Variants in CDH12 observed in about 807,000 individuals in gnomAD.
CDH12 encodes cadherin-12.
CDH12 carries 41 observed loss-of-function variants against 74.1 expected under a neutral mutation model. The observed-to-expected ratio is 0.55, with a 90% CI of 0.43 to 0.72. CDH12 has a LOEUF of 0.72. Among genes scored for constraint, CDH12 ranks in the 30% least tolerant of loss-of-function variants. The pLI, the probability that CDH12 is intolerant of heterozygous loss-of-function variation, is 0.00. For synonymous variants in CDH12, 399 were observed against 355.0 expected, an observed-to-expected ratio of 1.12 and a Z score of -1.39; for missense variants, 945 against 977.2, an observed-to-expected ratio of 0.97 and a Z score of 0.44.
intron 1 of CDH12, among the ~76,000 whole-genome samples, chr5:22,748,489 A>C (rs1171489235): frequency 6.6e-6 from 1 of 152,184 alleles, no homozygotes; most frequent in Non-Finnish European, 1.5e-5. Context: ...TGACCTGCTC[A>C]GTATAGAATA....
chr5:22,349,362 T>C (rs1459712590), intron 3 of CDH12, among the ~76,000 whole-genome samples: 2 of 152,182 alleles, frequency 1.3e-5, no homozygotes, highest in African/African-American at 4.8e-5. Context: ...CAAAGCAGAT[T>C]ATACCTAAAT....
intron 4 of CDH12, among the ~76,000 whole-genome samples, chr5:22,119,716 T>C (rs1379737873): frequency 6.6e-6 from 1 of 152,188 alleles, no homozygotes; most frequent in African/African-American, 2.4e-5. Context: ...AAGGTATCCA[T>C]GCCTCGATTA....
At chr5:22,319,529 A>G (rs1441728887) in intron 3 of CDH12, among the ~76,000 whole-genome samples, 1 of 152,174 alleles carries the variant, frequency 6.6e-6, no homozygotes, top group Non-Finnish European at 1.5e-5. Context: ...GGGCCCCATT[A>G]CTCAGCAGCA....
At chr5:22,716,909 AG>A (rs538335871) in intron 1 of CDH12, among the ~76,000 whole-genome samples, 71 of 152,298 alleles carry the variant, frequency 4.7e-4, no homozygotes, top group African/African-American at 1.5e-3. Context: ...AATATAGAAA[AG>A]AATGTATAAT....
chr5:22,023,750 C>T (rs1738158476), intron 5 of CDH12, among the ~76,000 whole-genome samples: 1 of 152,076 alleles, frequency 6.6e-6, no homozygotes, highest in African/African-American at 2.4e-5. Context: ...TTAATAAATT[C>T]ATTCATAAAT....
intron 8 of CDH12, among the ~76,000 whole-genome samples, chr5:21,832,788 CATATA>C (rs1338782071): frequency 9.6e-6 from 1 of 103,878 alleles, no homozygotes; most frequent in African/African-American, 4.8e-5. Context: ...TAATATATAT[CATATA>C]ATATATATAT....
intron 6 of CDH12, among the ~76,000 whole-genome samples, chr5:21,874,242 T>C (rs984427382): frequency 2.0e-5 from 3 of 152,180 alleles, no homozygotes; most frequent in Non-Finnish European, 2.9e-5. Context: ...AGAAAACATT[T>C]GTGCAGCCAA....
At chr5:22,567,230 T>C (rs755434072) in intron 1 of CDH12, among the ~76,000 whole-genome samples, 4 of 152,130 alleles carry the variant, frequency 2.6e-5, no homozygotes, top group Non-Finnish European at 5.9e-5. Context: ...GTTAGCCACA[T>C]TGTATTAGAT....
intron 2 of CDH12, among the ~76,000 whole-genome samples, chr5:22,431,322 A>G (rs1744163764): frequency 6.6e-6 from 1 of 152,140 alleles, no homozygotes; most frequent in Non-Finnish European, 1.5e-5. Context: ...AAAAATTCCT[A>G]TTGTTCTAGT....
At chr5:22,046,686 T>C (rs1374121825) in intron 5 of CDH12, among the ~76,000 whole-genome samples, 1 of 152,192 alleles carries the variant, frequency 6.6e-6, no homozygotes, top group Non-Finnish European at 1.5e-5. Context: ...TGAAAGATGT[T>C]AACTGCCATA....
rs2355284 is a variant in CDH12, at chr5:21,963,036, G to T, written c.526+12055C>A. On this transcript the variant is annotated intron_variant, in intron 6 of 14. Transcript: ENST00000382254. ...TTCCTTTCCTATACAAATTTCAGCC[G>T]CTTCAGCAGCTCTCAGATAACAATC... 3.5e-3 allele frequency among the ~76,000 whole-genome samples: 537 copies of T among 152,060 alleles called. 4 individuals are homozygous for T. The highest frequency in any genetic ancestry group is 0.012 in the African/African-American group (502 of 41,500).
At chr5:21,877,474 C>T (rs1185272804) in intron 6 of CDH12, among the ~76,000 whole-genome samples, 1 of 152,064 alleles carries the variant, frequency 6.6e-6, no homozygotes, top group East Asian at 1.9e-4. Context: ...ATAATAAGTA[C>T]TTAATACATG....
chr5:21,889,164 A>C (rs1752781511), intron 6 of CDH12, among the ~76,000 whole-genome samples: 4 of 152,138 alleles, frequency 2.6e-5, no homozygotes. Context: ...ACTTAAACTG[A>C]GTTTCAATAA....
At chr5:22,235,680 T>C (rs1264886518) in intron 3 of CDH12, among the ~76,000 whole-genome samples, 1 of 152,232 alleles carries the variant, frequency 6.6e-6, no homozygotes, top group Non-Finnish European at 1.5e-5. Context: ...ATTATCTTTC[T>C]TATTTTAGAA....
intron 1 of CDH12, among the ~76,000 whole-genome samples, chr5:22,653,348 A>G (rs1739839677): frequency 6.6e-6 from 1 of 152,170 alleles, no homozygotes; most frequent in Non-Finnish European, 1.5e-5. Flanking sequence ...AGTGAAACAT[A>G]GGAAGATAAA....
At chr5:21,941,552 G>T (rs1021615498) in intron 6 of CDH12, among the ~76,000 whole-genome samples, 6 of 151,654 alleles carry the variant, frequency 4.0e-5, no homozygotes, top group African/African-American at 1.5e-4. Context: ...CTGAAAATCT[G>T]TTTCACTGAA....
chr5:22,289,689 T>TAAG (rs1217816373), intron 3 of CDH12, among the ~76,000 whole-genome samples: 3 of 152,140 alleles, frequency 2.0e-5, no homozygotes, highest in African/African-American at 7.2e-5. Context: ...AAGAATATTC[T>TAAG]TAGATTACCT....
chr5:21,929,134 T>A (rs1754722451), intron 6 of CDH12, among the ~76,000 whole-genome samples: 2 of 152,046 alleles, frequency 1.3e-5, no homozygotes, highest in South Asian at 4.2e-4. Context: ...AGGAATGTAC[T>A]CTATATCAGC....
At chr5:22,720,035 A>G (rs1743794717) in intron 1 of CDH12, among the ~76,000 whole-genome samples, 1 of 57,756 alleles carries the variant, frequency 1.7e-5, no homozygotes, top group Non-Finnish European at 4.7e-5. Flanking sequence ...TCACAAAAAC[A>G]CAACACACAC....
Sources: allele counts gnomAD v4.1 joint callset (sites outside exome capture counted in the v4.1 genomes callset), GRCh38; gene constraint gnomAD v4.1.1; transcripts MANE v1.5; gene names NCBI Gene and HGNC (gene_info 2026-07-23, HGNC 2026-07-21).